The following WWOX variants were observed in gnomAD, a reference collection of about 807,000 sequenced individuals.
WWOX encodes WW domain-containing oxidoreductase.
Under a neutral mutation model 46.2 loss-of-function variants are expected in WWOX, and 69 were observed. The ratio of observed to expected loss-of-function variants is 1.49; its 90% CI spans 1.23 to 1.82. The LOEUF is 1.82. Among genes scored for constraint, WWOX ranks in the 40% most tolerant of loss-of-function variants. The pLI, the probability that WWOX is intolerant of heterozygous loss-of-function variation, is 0.00. For synonymous variants in WWOX, 359 were observed against 202.6 expected (o/e 1.77, Z -6.56); for missense variants, 919 against 542.6 (o/e 1.69, Z -6.89).
chr16:78,790,415 G>A (rs886881010), intron 8 of WWOX, among the ~76,000 whole-genome samples: 2 of 152,136 alleles, frequency 1.3e-5, no homozygotes, highest in Non-Finnish European at 2.9e-5. Flanking sequence ...GATTACAGGT[G>A]TGAGCCACCG....
chr16:78,508,738 C>T (rs909847246), intron 8 of WWOX, among the ~76,000 whole-genome samples: 44 of 152,250 alleles, frequency 2.9e-4, no homozygotes, highest in East Asian at 1.9e-4. Flanking sequence ...GCGTGAATGC[C>T]GGGATCTGCA....
At chr16:78,342,053 C>G (rs2081025640) in intron 5 of WWOX, among the ~76,000 whole-genome samples, 1 of 120,770 alleles carries the variant, frequency 8.3e-6, no homozygotes, top group African/African-American at 2.8e-5. Context: ...GAGATCAAGG[C>G]TACAGTGAGC....
rs182917619 is a variant in WWOX at position 78,851,577 on chromosome 16, C to T, written c.1057-360031C>T. Among the ~76,000 whole-genome samples, 9 of 152,328 alleles carry T rather than the reference C, an allele frequency of 5.9e-5. No homozygotes were observed. The East Asian group carries it at 1.2e-3, about 20-fold the overall frequency. The stretch of plus-strand genomic sequence containing the variant: ...TTTATTTTCCATCTTTCCCACTAGA[C>T]GGTGAGGGACTTTATCTGTCTCATT... On this transcript the variant is annotated intron_variant, in intron 8 of 8. Coordinates refer to ENST00000566780, the MANE Select transcript of WWOX (RefSeq NM_016373.4).
intron 8 of WWOX, among the ~76,000 whole-genome samples, chr16:78,886,994 T>C (rs1054031606): frequency 7.2e-5 from 11 of 151,874 alleles, no homozygotes; most frequent in Non-Finnish European, 1.6e-4. Context: ...GAGGAGAAAT[T>C]TGAGTTTTCA....
chr16:78,652,930 G>A (rs533089744), intron 8 of WWOX, among the ~76,000 whole-genome samples: 5 of 152,190 alleles, frequency 3.3e-5, no homozygotes, highest in African/African-American at 1.2e-4. Flanking sequence ...TTTGAAAAAT[G>A]AACTTTTGTT....
intron 6 of WWOX, among the ~76,000 whole-genome samples, chr16:78,423,524 G>T (rs377215145): frequency 9.9e-5 from 15 of 152,012 alleles, no homozygotes; most frequent in Admixed American, 5.9e-4. Flanking sequence ...TACTTTCTGA[G>T]AATTTAGCTT....
chr16:78,186,551 G>T (rs1449848965), intron 5 of WWOX, among the ~76,000 whole-genome samples: 1 of 152,074 alleles, frequency 6.6e-6, no homozygotes, highest in Admixed American at 6.5e-5. Flanking sequence ...ATCACTTGTG[G>T]TCAGGAGTTT....
chr16:79,029,683 G>A (rs562733924), intron 8 of WWOX, among the ~76,000 whole-genome samples: 109 of 152,052 alleles, frequency 7.2e-4, no homozygotes, highest in Admixed American at 7.9e-4. Context: ...TAAACTTTAG[G>A]CATTGATGCG....
intron 8 of WWOX, among the ~76,000 whole-genome samples, chr16:79,093,695 C>A (rs985326486): frequency 6.6e-6 from 1 of 152,116 alleles, no homozygotes; most frequent in African/African-American, 2.4e-5. Flanking sequence ...AGTGCTTCAG[C>A]CTTTTTGGTA....
chr16:78,197,814 C>T (rs540521289), intron 5 of WWOX, among the ~76,000 whole-genome samples: 132 of 152,232 alleles, frequency 8.7e-4, no homozygotes, highest in African/African-American at 2.9e-3. Flanking sequence ...AGCGACTTGC[C>T]CGAGGCCACG....
chr16:79,209,259 C>T lies in WWOX; in HGVS notation c.1057-2349C>T, dbSNP rs544334926. The stretch of plus-strand genomic sequence containing the variant: ...GGAAGGAAAAGGTAGGTCCCCAGCT[C>T]CTGCAACAATGGCATTCTGAATCAA... On this transcript the variant is annotated intron_variant, in intron 8 of 8. Transcript: ENST00000566780. 4.8e-4 allele frequency among the ~76,000 whole-genome samples: 73 copies of T among 152,326 alleles called. No homozygotes were observed. The Middle Eastern group carries it at 0.014, about 28-fold the overall frequency.
intron 8 of WWOX, among the ~76,000 whole-genome samples, chr16:78,615,438 C>G (rs2045999667): frequency 6.6e-6 from 1 of 151,946 alleles, no homozygotes; most frequent in Non-Finnish European, 1.5e-5. Flanking sequence ...CTCCTGAAGC[C>G]CAGAATTCAA....
chr16:78,644,451 C>T (rs2046793781), intron 8 of WWOX, among the ~76,000 whole-genome samples: 1 of 151,432 alleles, frequency 6.6e-6, no homozygotes, highest in Non-Finnish European at 1.5e-5. Flanking sequence ...AAACCAAAAA[C>T]CTGGGCCCTT....
At chr16:78,107,223 C>G (rs1262015999) in intron 1 of WWOX, among the ~76,000 whole-genome samples, 1 of 152,180 alleles carries the variant, frequency 6.6e-6, no homozygotes, top group Non-Finnish European at 1.5e-5. Flanking sequence ...CTTGTAGCAC[C>G]TGGCTGTTTC....
intron 8 of WWOX, among the ~76,000 whole-genome samples, chr16:78,619,468 C>A (rs2046123159): frequency 6.6e-6 from 1 of 151,240 alleles, no homozygotes; most frequent in African/African-American, 2.4e-5. Context: ...CCCGCACCCA[C>A]ATGTTATACA....
At chr16:78,814,400 C>T (rs557548492) in intron 8 of WWOX, among the ~76,000 whole-genome samples, 47 of 151,678 alleles carry the variant, frequency 3.1e-4, no homozygotes, top group South Asian at 6.3e-4. Context: ...TTAAAAAATA[C>T]GATGTTTCTG....
rs548634936 is a variant in WWOX at position 78,415,645 on chromosome 16, G to C, written c.606-9225G>C. Among the ~76,000 whole-genome samples the C allele has an allele frequency of 9.2e-5, 14 of 152,250 alleles. No homozygotes were observed. In the South Asian group the frequency reaches 2.7e-3, roughly 29 times the overall value. On this transcript the variant is annotated intron_variant, in intron 6 of 8. Transcript: ENST00000566780. The stretch of plus-strand genomic sequence containing the variant: ...TCACAAAGGGGGTTTCAGAAAGATA[G>C]AAAATGCTAGAAAGAGACGGGGTAG...
intron 5 of WWOX, among the ~76,000 whole-genome samples, chr16:78,305,506 G>C (rs1459853921): frequency 6.6e-6 from 1 of 151,942 alleles, no homozygotes; most frequent in Non-Finnish European, 1.5e-5. Flanking sequence ...CTTTCCCCCT[G>C]AGTTCCCTCT....
chr16:78,109,613 C>T (rs1387504037), intron 2 of WWOX, among the ~76,000 whole-genome samples, 165 bp from the exon 3 acceptor site: 1 of 150,438 alleles, frequency 6.6e-6, no homozygotes, highest in Admixed American at 6.7e-5. Flanking sequence ...GGGCCTTCTG[C>T]AGCTGTCGCA....
Sources: allele counts gnomAD v4.1 joint callset (sites outside exome capture counted in the v4.1 genomes callset), GRCh38; gene constraint gnomAD v4.1.1; transcripts MANE v1.5; gene names NCBI Gene and HGNC (gene_info 2026-07-23, HGNC 2026-07-21).